The following CDK1 variants were observed in gnomAD, a reference collection of about 807,000 sequenced individuals.
The protein encoded by CDK1 is cyclin dependent kinase 1.
Under a neutral mutation model 34.6 loss-of-function variants are expected in CDK1, and 5 were observed. The observed-to-expected ratio is 0.14, with a 90% CI of 0.08 to 0.30. The LOEUF is 0.30. Ranked by LOEUF, CDK1 falls within the 10% of genes least tolerant of loss-of-function variation. The pLI is 1.00. For missense variants in CDK1, 157 were observed against 345.7 expected, an observed-to-expected ratio of 0.45 and a Z score of 4.33; for synonymous variants, 108 against 114.7, an observed-to-expected ratio of 0.94 and a Z score of 0.37.
intron 2 of CDK1, among the ~76,000 whole-genome samples, chr10:60,781,133 G>A (rs2080269902): frequency 6.6e-6 from 1 of 152,002 alleles, no homozygotes; most frequent in Admixed American, 6.6e-5. Context: ...AAAAATATGT[G>A]ATTAGTATGT....
chr10:60,793,767 C>A, intron 7 of CDK1, 110 bp from the exon 8 acceptor site: 1 of 600,156 alleles, frequency 1.7e-6, no homozygotes, highest in Non-Finnish European at 2.9e-6. Flanking sequence ...TAGATATTCA[C>A]TGAAAGTATT....
chr10:60,787,762 C>T (rs1443025219), intron 4 of CDK1: 2 of 172,266 alleles, frequency 1.2e-5, no homozygotes, highest in East Asian at 3.0e-4. Flanking sequence ...AATCAAGAGG[C>T]TTCTGTGTAG....
At chr10:60,788,026 G>A (rs771493141) in intron 4 of CDK1, 34 bp from the exon 5 acceptor site, 20 of 1,117,036 alleles carry the variant, frequency 1.8e-5, no homozygotes, top group Admixed American at 8.4e-5. Context: ...CATGTACTTC[G>A]CTTAAGTTTC....
In CDK1 at chr10:60,785,788, G is replaced by A; in HGVS notation, c.318+1G>A. The A allele has an allele frequency of 6.3e-7, 1 of 1,579,686 alleles. No homozygotes were observed. The highest frequency in any genetic ancestry group is 1.2e-5 in the South Asian group (1 of 84,780). On this transcript the variant is annotated splice_donor_variant, in intron 4 of 7. Coordinates refer to ENST00000395284, the MANE Select transcript of CDK1 (RefSeq NM_001786.5). LOFTEE classifies it high-confidence loss of function. ...GTACATGGATTCTTCACTTGTTAAG[G>A]TAAAAGCTTAACTAATTTTATTAAT...
chr10:60,786,962 A>C, intron 4 of CDK1: 1 of 983,094 alleles, frequency 1.0e-6, no homozygotes, highest in South Asian at 4.7e-5. Flanking sequence ...TTTTTCTGGT[A>C]GTTTTAGTAA....
At chr10:60,782,391 T>C (rs1476424494) in intron 2 of CDK1, among the ~76,000 whole-genome samples, 1 of 152,218 alleles carries the variant, frequency 6.6e-6, no homozygotes, top group Non-Finnish European at 1.5e-5. Flanking sequence ...CAGACTTTAC[T>C]ATTTTAAATA....
intron 4 of CDK1, chr10:60,786,992 CT>C: frequency 3.1e-6 from 3 of 980,310 alleles, no homozygotes; most frequent in Non-Finnish European, 3.6e-6. Context: ...TCCACACATA[CT>C]TTTTTTGTCT....
chr10:60,785,468 T>C (rs1254187500), intron 3 of CDK1, among the ~76,000 whole-genome samples, 196 bp from the exon 4 acceptor site: 2 of 152,312 alleles, frequency 1.3e-5, no homozygotes, highest in Non-Finnish European at 2.9e-5. Context: ...GCACCTCCTG[T>C]ACAAGGCTTA....
At chr10:60,788,034 T>G in intron 4 of CDK1, 26 bp from the exon 5 acceptor site, 1 of 1,248,018 alleles carries the variant, frequency 8.0e-7, no homozygotes, top group East Asian at 2.7e-5. Context: ...TCGCTTAAGT[T>G]TCTAACTTTT....
chr10:60,781,980 C>A (rs2080277242), intron 2 of CDK1, among the ~76,000 whole-genome samples: 1 of 152,124 alleles, frequency 6.6e-6, no homozygotes, highest in African/African-American at 2.4e-5. Flanking sequence ...CATTTCTACT[C>A]CAATGCCTGA....
At chr10:60,793,240 A>G (rs1319750944) in intron 7 of CDK1, among the ~76,000 whole-genome samples, 1 of 152,124 alleles carries the variant, frequency 6.6e-6, no homozygotes, top group African/African-American at 2.4e-5. Flanking sequence ...GGTGCTGGTT[A>G]CATGAGAGTT....
chr10:60,783,308 A>G (rs1339507811), intron 2 of CDK1, among the ~76,000 whole-genome samples: 1 of 152,198 alleles, frequency 6.6e-6, no homozygotes, highest in African/African-American at 2.4e-5. Context: ...AAAATGACTC[A>G]TGTCAGTTTA....
intron 1 of CDK1, chr10:60,778,808 G>A (rs944540189): frequency 1.3e-5 from 2 of 152,918 alleles, no homozygotes; most frequent in African/African-American, 4.8e-5. Flanking sequence ...TAGGCGGCGT[G>A]GGGGTGGGGG....
chr10:60,794,065 C>T lies in CDK1; in HGVS notation c.*90C>T. ...GTCTATTTTTGTCTTATATATATTT[C>T]TTTGTTATCAAACTTCAGCTGTACT... On this transcript the variant is annotated 3_prime_UTR_variant, in exon 8 of 8. Transcript: ENST00000395284. 1.5e-6 allele frequency: 1 copy of T among 648,408 alleles called. No individual in the cohort carries two copies. The highest frequency in any genetic ancestry group is 2.7e-6 in the Non-Finnish European group (1 of 375,010). 40.2% of individuals were successfully genotyped at this position (648,408 alleles called of 1,614,324 possible).
At chr10:60,791,209 T>C (rs1484907912) in intron 5 of CDK1, among the ~76,000 whole-genome samples, 1 of 152,152 alleles carries the variant, frequency 6.6e-6, no homozygotes, top group Non-Finnish European at 1.5e-5. Context: ...CAATGTTTTA[T>C]AGTTTTTAGT....
chr10:60,788,068 A>G lies in CDK1; in HGVS notation c.327A>G (p.Leu109=). Reference sequence around the variant, plus strand: ...TTACTTGCTTTTTCCAGAGTTATTTATACCAAATCCTACAGGGGATTGTGT... The same window carrying G: ...TTACTTGCTTTTTCCAGAGTTATTTGTACCAAATCCTACAGGGGATTGTGT... ...YMDSSLVKSY[L]YQILQGIVFC... is the part of the protein sequence containing the mutation. Residue 109 remains leucine (L), a synonymous_variant, in exon 5 of 8, where the codon TTA becomes TTG. Transcript: ENST00000395284. 1.4e-6 allele frequency: 2 copies of G among 1,446,836 alleles called. No individual in the cohort carries two copies. The highest frequency in any genetic ancestry group is 1.8e-6 in the Non-Finnish European group (2 of 1,086,376). 89.6% of individuals were successfully genotyped at this position (1,446,836 alleles called of 1,614,324 possible).
intron 4 of CDK1, 33 bp downstream of exon 4, chr10:60,785,820 G>A: frequency 6.4e-7 from 1 of 1,555,322 alleles, no homozygotes; most frequent in East Asian, 2.3e-5. Flanking sequence ...TAATATTTAT[G>A]CACTGTGGAT....
intron 1 of CDK1, among the ~76,000 whole-genome samples, chr10:60,779,629 C>T (rs1268663248): frequency 1.3e-5 from 2 of 152,176 alleles, no homozygotes; most frequent in Non-Finnish European, 2.9e-5. Flanking sequence ...CAACTGTAAA[C>T]ACTTAAAATG....
At chr10:60,782,168 A>C (rs147064239) in intron 2 of CDK1, among the ~76,000 whole-genome samples, 1 of 152,226 alleles carries the variant, frequency 6.6e-6, no homozygotes, top group African/African-American at 2.4e-5. Context: ...CATTTTGAAC[A>C]TCTCCAAATC....
Sources: allele counts gnomAD v4.1 joint callset (sites outside exome capture counted in the v4.1 genomes callset), GRCh38; gene constraint gnomAD v4.1.1; transcripts MANE v1.5; gene names NCBI Gene and HGNC (gene_info 2026-07-23, HGNC 2026-07-21).